Variants in AUTS2 observed in about 807,000 individuals in gnomAD.
AUTS2 encodes the protein autism susceptibility gene 2 protein.
In AUTS2, 17 loss-of-function variants were observed where a neutral mutation model predicts 112.4. That is an observed-to-expected ratio of 0.15 (90% confidence interval 0.10 to 0.23). The LOEUF (loss-of-function observed/expected upper bound fraction) is 0.23. Among genes scored for constraint, AUTS2 ranks in the 10% least tolerant of loss-of-function variants. The pLI is 1.00. For synonymous variants in AUTS2, 751 were observed against 702.7 expected (o/e 1.07, Z -1.09); for missense variants, 1,510 against 1,701.6 (o/e 0.89, Z 1.98).
chr7:70,627,325 C>T (rs909554566), intron 5 of AUTS2, among the ~76,000 whole-genome samples: 2 of 152,130 alleles, frequency 1.3e-5, no homozygotes, highest in African/African-American at 4.8e-5. Flanking sequence ...GTGTGTTTTA[C>T]CCATTTTTAA....
At chr7:69,815,817 A>G (rs1266512914) in intron 1 of AUTS2, among the ~76,000 whole-genome samples, 3 of 152,080 alleles carry the variant, frequency 2.0e-5, no homozygotes, top group African/African-American at 2.4e-5. Context: ...AAATGCTTCA[A>G]TGAAACTTAA....
At chr7:70,691,740 G>T (rs1311283083) in intron 5 of AUTS2, among the ~76,000 whole-genome samples, 2 of 152,172 alleles carry the variant, frequency 1.3e-5, no homozygotes, top group East Asian at 3.9e-4. Context: ...ACTGGAGGTG[G>T]CCACAGTGGT....
chr7:69,640,157 T>C (rs559838251), intron 1 of AUTS2, among the ~76,000 whole-genome samples: 1 of 152,316 alleles, frequency 6.6e-6, no homozygotes, highest in East Asian at 1.9e-4. Flanking sequence ...TTATTACTGT[T>C]TTGATTGGTT....
intron 1 of AUTS2, among the ~76,000 whole-genome samples, chr7:69,836,601 T>C (rs1340872972): frequency 1.3e-5 from 2 of 152,184 alleles, no homozygotes; most frequent in Non-Finnish European, 2.9e-5. Flanking sequence ...TAGATTCTTA[T>C]GTGATTAAAT....
chr7:70,397,349 G>C (rs1012743195), intron 4 of AUTS2, among the ~76,000 whole-genome samples: 9 of 152,062 alleles, frequency 5.9e-5, no homozygotes, highest in Non-Finnish European at 1.3e-4. Context: ...ACAGGCATGA[G>C]CCACCGAGCC....
At chr7:69,926,429 A>ATCTGTCTGTCTG (rs202099756) in intron 2 of AUTS2, among the ~76,000 whole-genome samples, 2 of 139,438 alleles carry the variant, frequency 1.4e-5, no homozygotes, top group African/African-American at 5.3e-5. Flanking sequence ...TCTGAAATCT[A>ATCTGTCTGTCTG]TCTGTCTGTC....
intron 2 of AUTS2, among the ~76,000 whole-genome samples, chr7:69,956,186 T>C (rs1425827071): frequency 6.6e-6 from 1 of 152,024 alleles, no homozygotes; most frequent in Non-Finnish European, 1.5e-5. Context: ...CTAATTGTGC[T>C]GGCATCTCAT....
In AUTS2 at chr7:70,407,748, G is replaced by C. The variant is rs546890646; in HGVS notation, c.661-28004G>C. Among the ~76,000 whole-genome samples the C allele has an allele frequency of 3.3e-5, 5 of 151,750 alleles. No homozygotes were observed. The East Asian group carries it at 7.8e-4, about 24-fold the overall frequency. On this transcript the variant is annotated intron_variant, in intron 4 of 18. Coordinates refer to ENST00000342771, the MANE Select transcript of AUTS2 (RefSeq NM_015570.4). ...GACCTGGGCAACAAAATGAGACCTC[G>C]TCTCTACAGAAAAGTCAAAAAATGG...
intron 1 of AUTS2, among the ~76,000 whole-genome samples, chr7:69,631,383 T>C (rs1349934294): frequency 6.6e-6 from 1 of 152,168 alleles, no homozygotes; most frequent in Non-Finnish European, 1.5e-5. Context: ...ACTTAAAATA[T>C]TTAAAAAGAA....
chr7:70,001,710 ATTT>A (rs35638538), intron 2 of AUTS2, among the ~76,000 whole-genome samples: 3 of 132,814 alleles, frequency 2.3e-5, no homozygotes, highest in Non-Finnish European at 3.2e-5. Context: ...TCATTGTCAT[ATTT>A]TTTTTTTTTT....
At chr7:70,773,178 C>T (rs989831599) in intron 11 of AUTS2, among the ~76,000 whole-genome samples, 4 of 152,126 alleles carry the variant, frequency 2.6e-5, no homozygotes, top group Non-Finnish European at 5.9e-5. Context: ...TTTTCCCCCC[C>T]TTCTCCTTGT....
intron 5 of AUTS2, among the ~76,000 whole-genome samples, chr7:70,473,840 C>G (rs1025451251): frequency 1.3e-5 from 2 of 151,862 alleles, no homozygotes; most frequent in Non-Finnish European, 2.9e-5. Context: ...ATCGTGTGTC[C>G]TGGGTCTAAG....
At chr7:70,165,806 G>A (rs1396883384) in intron 4 of AUTS2, among the ~76,000 whole-genome samples, 4 of 152,142 alleles carry the variant, frequency 2.6e-5, no homozygotes, top group African/African-American at 9.7e-5. Flanking sequence ...TTTGAAATGA[G>A]ATTAGAGTAT....
intron 1 of AUTS2, among the ~76,000 whole-genome samples, chr7:69,645,075 ATT>A (rs34549998): frequency 2.9e-5 from 4 of 139,712 alleles, no homozygotes; most frequent in Admixed American, 7.1e-5. Context: ...CACCCAGTTA[ATT>A]TTTTTTTTTT....
intron 2 of AUTS2, among the ~76,000 whole-genome samples, chr7:70,030,734 A>G (rs886443900): frequency 6.6e-6 from 1 of 152,130 alleles, no homozygotes. Flanking sequence ...TAATAGTAAA[A>G]CGTTCATAGT....
chr7:69,985,873 G>A (rs774750277), intron 2 of AUTS2, among the ~76,000 whole-genome samples: 11 of 151,692 alleles, frequency 7.3e-5, no homozygotes, highest in East Asian at 1.9e-4. Context: ...CTCCAGCCTC[G>A]GCTTCCCGAG....
chr7:70,475,395 T>G (rs999923122), intron 5 of AUTS2, among the ~76,000 whole-genome samples: 1 of 152,202 alleles, frequency 6.6e-6, no homozygotes, highest in Non-Finnish European at 1.5e-5. Context: ...CTTTTCCACA[T>G]TCCCACCTTT....
chr7:70,590,535 G>A (rs1802894151), intron 5 of AUTS2, among the ~76,000 whole-genome samples: 1 of 152,182 alleles, frequency 6.6e-6, no homozygotes, highest in Non-Finnish European at 1.5e-5. Context: ...GGGTAGCATT[G>A]TTAGACTAGT....
intron 4 of AUTS2, among the ~76,000 whole-genome samples, chr7:70,334,454 T>G (rs1353731411): frequency 6.6e-6 from 1 of 152,202 alleles, no homozygotes; most frequent in African/African-American, 2.4e-5. Context: ...GACTAGTATC[T>G]GCAGAGATTA....
Sources: gnomAD v4.1 joint callset for allele counts (sites outside exome capture counted in the v4.1 genomes callset) on GRCh38, gnomAD v4.1.1 for gene constraint, MANE v1.5 for transcripts, NCBI Gene and HGNC (gene_info 2026-07-23, HGNC 2026-07-21) for gene names.